PKIB: variants seen among roughly 807,000 people sequenced by gnomAD.
PKIB encodes PKI-beta.
Under a neutral mutation model 4.5 loss-of-function variants are expected in PKIB, and 2 were observed. The ratio of observed to expected loss-of-function variants is 0.44; its 90% confidence interval spans 0.18 to 1.39. The LOEUF is 1.39. Among genes scored for constraint, PKIB ranks in the 40% most tolerant of loss-of-function variants. PKIB has a pLI of 0.27. For synonymous variants in PKIB, 38 were observed against 36.0 expected (o/e 1.06, Z -0.20); for missense variants, 94 against 92.6 (o/e 1.02, Z -0.06).
At chr6:122,480,267 C>A (rs778461714) in intron 2 of PKIB, 5 of 152,150 alleles carry the variant, frequency 3.3e-5, no homozygotes, top group Admixed American at 2.6e-4. Context: ...TGGTCTTGAT[C>A]TCCTGACCTC....
At chr6:122,634,425 G>T (rs1775829633) in intron 2 of PKIB, among the ~76,000 whole-genome samples, 1 of 151,964 alleles carries the variant, frequency 6.6e-6, no homozygotes, top group Non-Finnish European at 1.5e-5. Context: ...AGGGCACCTG[G>T]ACCCCTTAGT....
chr6:122,543,034 C>T (rs1375587065), intron 2 of PKIB, among the ~76,000 whole-genome samples: 1 of 152,080 alleles, frequency 6.6e-6, no homozygotes, highest in African/African-American at 2.4e-5. Context: ...GGGATATAAT[C>T]TCCTGGTGTG....
intron 1 of PKIB, among the ~76,000 whole-genome samples, chr6:122,625,081 A>G (rs1775381319): frequency 6.6e-6 from 1 of 152,220 alleles, no homozygotes; most frequent in Non-Finnish European, 1.5e-5. Context: ...CAGTTGCGCA[A>G]TGCAGATGTT....
chr6:122,612,245 A>G (rs945772168), intron 1 of PKIB, among the ~76,000 whole-genome samples: 6 of 152,122 alleles, frequency 3.9e-5, no homozygotes, highest in Non-Finnish European at 8.8e-5. Flanking sequence ...TTGAGATATA[A>G]TTTATATATT....
chr6:122,566,514 T>A (rs1773199569), intron 2 of PKIB, among the ~76,000 whole-genome samples: 1 of 152,080 alleles, frequency 6.6e-6, no homozygotes, highest in Non-Finnish European at 1.5e-5. Flanking sequence ...TTATGTTCCT[T>A]TAAAATACAT....
intron 2 of PKIB, among the ~76,000 whole-genome samples, chr6:122,503,820 C>G (rs969287248): frequency 4.6e-5 from 7 of 152,118 alleles, no homozygotes; most frequent in African/African-American, 1.7e-4. Flanking sequence ...TCCAAATAAA[C>G]TGGGGACTCT....
intron 2 of PKIB, among the ~76,000 whole-genome samples, chr6:122,536,374 G>A (rs1777407862): frequency 6.6e-6 from 1 of 152,126 alleles, no homozygotes; most frequent in Non-Finnish European, 1.5e-5. Flanking sequence ...TTGGTAATCA[G>A]CTCTAATATG....
At chr6:122,535,118 C>G (rs1458206557) in intron 2 of PKIB, among the ~76,000 whole-genome samples, 1 of 152,054 alleles carries the variant, frequency 6.6e-6, no homozygotes, top group Non-Finnish European at 1.5e-5. Context: ...TTACATCTAA[C>G]TGTGGAGATC....
At chr6:122,480,092 G>T in intron 2 of PKIB, 1 of 151,706 alleles carries the variant, frequency 6.6e-6, no homozygotes. Context: ...ACCCAGGCTG[G>T]AGTACAGTGG....
chr6:122,661,952 G>A (rs1265991639), intron 2 of PKIB, among the ~76,000 whole-genome samples: 1 of 152,078 alleles, frequency 6.6e-6, no homozygotes, highest in Non-Finnish European at 1.5e-5. Flanking sequence ...GGATAATGAT[G>A]CTCTGTATCA....
intron 2 of PKIB, among the ~76,000 whole-genome samples, chr6:122,660,457 G>T (rs191263283): frequency 6.6e-5 from 10 of 152,178 alleles, no homozygotes; most frequent in Admixed American, 2.0e-4. Context: ...TGTAGCCTTG[G>T]GATATGTTGT....
intron 2 of PKIB, among the ~76,000 whole-genome samples, chr6:122,521,141 G>T (rs1300266452): frequency 6.6e-6 from 1 of 152,160 alleles, no homozygotes; most frequent in Non-Finnish European, 1.5e-5. Context: ...GATTTGCTGA[G>T]CATACCTCTC....
intron 2 of PKIB, chr6:122,483,077 A>G (rs895547006): frequency 2.6e-5 from 4 of 150,956 alleles, no homozygotes; most frequent in Non-Finnish European, 6.0e-5. Context: ...ATTTAAAATT[A>G]TCTTAATAAA....
chr6:122,707,856 C>T lies in PKIB; in HGVS notation c.-8-9931C>T, dbSNP rs193256266. Reference sequence around the variant, plus strand: ...GTTATGCACCAGAATTACAACAGCACTGTTACTGGATAGCGGGATGGCAAT... The same window carrying T: ...GTTATGCACCAGAATTACAACAGCATTGTTACTGGATAGCGGGATGGCAAT... On this transcript the variant is annotated intron_variant, in intron 3 of 4. Transcript: ENST00000368452. Among the ~76,000 whole-genome samples the T allele has an allele frequency of 7.2e-5, 11 of 152,250 alleles. No homozygotes were observed. In the East Asian group the frequency reaches 1.9e-3, roughly 27 times the overall value.
chr6:122,573,381 C>T (rs1416416749), intron 2 of PKIB, among the ~76,000 whole-genome samples: 2 of 151,418 alleles, frequency 1.3e-5, no homozygotes, highest in African/African-American at 2.4e-5. Flanking sequence ...TACAAAAATT[C>T]GCTGGTAGTA....
At chr6:122,527,625 A>ACAGTTTCAC (rs1257096128) in intron 2 of PKIB, among the ~76,000 whole-genome samples, 2 of 152,168 alleles carry the variant, frequency 1.3e-5, no homozygotes, top group Non-Finnish European at 2.9e-5. Flanking sequence ...ACTGTTTTAT[A>ACAGTTTCAC]TGGGAATGGT....
chr6:122,551,108 A>T (rs1458938613), intron 2 of PKIB, among the ~76,000 whole-genome samples: 1 of 151,886 alleles, frequency 6.6e-6, no homozygotes, highest in East Asian at 1.9e-4. Flanking sequence ...TTGAGTGTGG[A>T]TCTATTTTTC....
At chr6:122,534,491 A>G (rs1019250010) in intron 2 of PKIB, among the ~76,000 whole-genome samples, 1 of 152,120 alleles carries the variant, frequency 6.6e-6, no homozygotes, top group Non-Finnish European at 1.5e-5. Flanking sequence ...GTATGCAGGG[A>G]ATACAGTAAA....
chr6:122,644,259 AT>A (rs1293457515), intron 2 of PKIB: 2 of 152,148 alleles, frequency 1.3e-5, no homozygotes, highest in Non-Finnish European at 2.9e-5. Flanking sequence ...ACCACATAGA[AT>A]TTCTTAGTCT....
Sources: allele counts gnomAD v4.1 joint callset (sites outside exome capture counted in the v4.1 genomes callset), GRCh38; gene constraint gnomAD v4.1.1; transcripts MANE v1.5; gene names NCBI Gene and HGNC (gene_info 2026-07-23, HGNC 2026-07-21).